The following EYS variants were observed in gnomAD, a reference collection of about 807,000 sequenced individuals.
EYS encodes the protein protein eyes shut homolog.
Under a neutral mutation model 282.1 loss-of-function variants are expected in EYS, and 250 were observed. The ratio of observed to expected loss-of-function variants is 0.89; its 90% confidence interval spans 0.80 to 0.98. The LOEUF is 0.98. Among genes scored for constraint, EYS ranks in the 50% least tolerant of loss-of-function variants. The pLI is 0.00. For synonymous variants in EYS, 1,355 were observed against 1,282.9 expected, an observed-to-expected ratio of 1.06 and a Z score of -1.20; for missense variants, 4,016 against 3,709.0, an observed-to-expected ratio of 1.08 and a Z score of -2.15.
intron 22 of EYS, among the ~76,000 whole-genome samples, chr6:64,628,833 G>T (rs1429127389): frequency 6.6e-6 from 1 of 152,042 alleles, no homozygotes; most frequent in Non-Finnish European, 1.5e-5. Flanking sequence ...TGTATTTTGC[G>T]ATAATTTTAA....
At chr6:64,698,487 A>T (rs1399465452) in intron 22 of EYS, among the ~76,000 whole-genome samples, 1 of 152,122 alleles carries the variant, frequency 6.6e-6, no homozygotes, top group Non-Finnish European at 1.5e-5. Context: ...GACAAGTGGG[A>T]TCTAATTAAA....
intron 22 of EYS, among the ~76,000 whole-genome samples, chr6:64,660,106 C>T (rs1487444484): frequency 2.0e-5 from 3 of 152,082 alleles, no homozygotes; most frequent in Non-Finnish European, 4.4e-5. Flanking sequence ...AAACATAATC[C>T]AGCATATAAA....
intron 26 of EYS, among the ~76,000 whole-genome samples, chr6:64,542,105 A>G (rs1196998726): frequency 6.6e-6 from 1 of 152,142 alleles, no homozygotes; most frequent in African/African-American, 2.4e-5. Flanking sequence ...AAAGCTCTGA[A>G]TATTAGTTGT....
chr6:64,572,320 T>C (rs573390014), intron 26 of EYS, among the ~76,000 whole-genome samples: 10 of 152,282 alleles, frequency 6.6e-5, no homozygotes, highest in South Asian at 2.1e-4. Context: ...GCCAATATCA[T>C]AGTGAATGGG....
At chr6:65,347,453 A>G (rs1770442090) in intron 9 of EYS, among the ~76,000 whole-genome samples, 2 of 151,514 alleles carry the variant, frequency 1.3e-5, no homozygotes. Context: ...TTTGATTTTT[A>G]TGTCTTTCAT....
chr6:64,102,085 C>T (rs754239174), intron 31 of EYS, among the ~76,000 whole-genome samples: 17 of 152,094 alleles, frequency 1.1e-4, no homozygotes, highest in African/African-American at 3.6e-4. Context: ...TCTGTGCCGC[C>T]GGTTCCTAAC....
At chr6:64,024,708 A>G (rs1769395192) in intron 33 of EYS, among the ~76,000 whole-genome samples, 1 of 152,064 alleles carries the variant, frequency 6.6e-6, no homozygotes, top group African/African-American at 2.4e-5. Flanking sequence ...GGGAGGAATG[A>G]ACAACTCCAG....
At chr6:63,858,569 C>G (rs1445807029) in intron 36 of EYS, among the ~76,000 whole-genome samples, 2 of 152,172 alleles carry the variant, frequency 1.3e-5, no homozygotes, top group African/African-American at 4.8e-5. Context: ...GCAGGCCATT[C>G]AAAGTCTGCC....
chr6:65,636,647 T>C (rs1303516196), intron 2 of EYS, among the ~76,000 whole-genome samples: 2 of 152,220 alleles, frequency 1.3e-5, no homozygotes, highest in East Asian at 1.9e-4. Context: ...CTCTTTCCCA[T>C]TAGTACTTCC....
At chr6:64,232,705 TA>T (rs1325196165) in intron 30 of EYS, among the ~76,000 whole-genome samples, 2 of 152,280 alleles carry the variant, frequency 1.3e-5, no homozygotes, top group East Asian at 3.9e-4. Context: ...ACCACACTAC[TA>T]AAGAAGAACA....
intron 5 of EYS, chr6:65,490,010 G>A (rs923003975): frequency 6.6e-6 from 1 of 152,264 alleles, no homozygotes; most frequent in African/African-American, 2.4e-5. Flanking sequence ...ATAGCATTAG[G>A]AGAAATACCT....
At chr6:65,111,278 TG>T (rs1581919075) in intron 12 of EYS, among the ~76,000 whole-genome samples, 1 of 152,220 alleles carries the variant, frequency 6.6e-6, no homozygotes, top group East Asian at 1.9e-4. Flanking sequence ...TTGTTTGTTT[TG>T]GTAATTTACC....
chr6:63,939,375 G>C (rs887332987), intron 35 of EYS, among the ~76,000 whole-genome samples: 3 of 152,094 alleles, frequency 2.0e-5, no homozygotes, highest in Non-Finnish European at 4.4e-5. Context: ...AACAAACAAA[G>C]AAATACCAGT....
rs1446632381 is a variant in EYS, at chr6:64,591,632, T to C, written c.4235A>G (p.Glu1412Gly). ...FIFPTQSLLF[E>G]NCQTVALSAT... ...AGATAAAGCAACAGTCTGACAGTTC[T>C]CAAATAATAAAGATTGTGTAGGAAA... Residue 1412 changes from glutamate (E) to glycine (G), a missense_variant, in exon 26 of 43, where the codon GAG becomes GGG. By Grantham distance (98) the Glu-to-Gly change is moderately conservative (BLOSUM62 -2). Coordinates refer to ENST00000503581, the MANE Select transcript of EYS (RefSeq NM_001142800.2). The C allele has an allele frequency of 1.9e-6, 3 of 1,551,076 alleles. No homozygotes were observed. Among genetic ancestry groups the C allele is most frequent in the South Asian group, 1.2e-5 (1 of 84,060 alleles).
At chr6:63,753,156 A>T (rs1012895369) in intron 41 of EYS, among the ~76,000 whole-genome samples, 2 of 145,698 alleles carry the variant, frequency 1.4e-5, no homozygotes, top group Non-Finnish European at 3.0e-5. Context: ...ATATATATAT[A>T]TATATATATA....
intron 14 of EYS, among the ~76,000 whole-genome samples, chr6:64,976,906 T>G (rs1221566692): frequency 2.0e-5 from 3 of 151,976 alleles, no homozygotes; most frequent in Non-Finnish European, 4.4e-5. Context: ...TTTATTATTT[T>G]TTTTGAGACG....
At chr6:64,233,081 A>G (rs1766475660) in intron 30 of EYS, among the ~76,000 whole-genome samples, 2 of 152,204 alleles carry the variant, frequency 1.3e-5, no homozygotes, top group Admixed American at 6.5e-5. Context: ...TCTCAGGAAT[A>G]AATTAGAATT....
At chr6:64,905,519 T>G (rs1767798707) in intron 16 of EYS, among the ~76,000 whole-genome samples, 1 of 152,200 alleles carries the variant, frequency 6.6e-6, no homozygotes, top group African/African-American at 2.4e-5. Context: ...CGTCTGTGTA[T>G]GGCTATAACA....
chr6:64,780,774 T>A (rs1161206796), intron 22 of EYS, among the ~76,000 whole-genome samples: 4 of 152,194 alleles, frequency 2.6e-5, no homozygotes, highest in Non-Finnish European at 4.4e-5. Flanking sequence ...AAAATAATTA[T>A]TAATTCTTGC....
Sources: allele counts gnomAD v4.1 joint callset (sites outside exome capture counted in the v4.1 genomes callset), GRCh38; gene constraint gnomAD v4.1.1; transcripts MANE v1.5; gene names NCBI Gene and HGNC (gene_info 2026-07-23, HGNC 2026-07-21).